Variants in AFAP1L1 observed in about 807,000 individuals in gnomAD.
The protein encoded by AFAP1L1 is actin filament associated protein 1 like 1, also known as actin filament-associated protein 1-like 1.
In AFAP1L1, 77 loss-of-function variants were observed where a neutral mutation model predicts 99.8. The ratio of observed to expected loss-of-function variants is 0.77; its 90% CI spans 0.64 to 0.93. The LOEUF is 0.93. AFAP1L1 is among the 40% of genes least tolerant of loss of function. The pLI is 0.00. For synonymous variants in AFAP1L1, 373 were observed against 395.3 expected, an observed-to-expected ratio of 0.94 and a Z score of 0.67; for missense variants, 893 against 996.8, an observed-to-expected ratio of 0.90 and a Z score of 1.40.
chr5:149,323,385 C>G (rs960074899), intron 15 of AFAP1L1, among the ~76,000 whole-genome samples: 5 of 152,202 alleles, frequency 3.3e-5, no homozygotes, highest in Non-Finnish European at 7.3e-5. Flanking sequence ...ACTAAGTACA[C>G]CAGGCAACTC....
intron 1 of AFAP1L1, among the ~76,000 whole-genome samples, chr5:149,291,801 G>A (rs896324519): frequency 6.6e-6 from 1 of 152,174 alleles, no homozygotes; most frequent in African/African-American, 2.4e-5. Flanking sequence ...TCCAGAACAG[G>A]AGCCTTTATG....
rs745394391 is a variant in AFAP1L1, at chr5:149,322,651, G to A, written c.1744G>A (p.Ala582Thr). Residue 582 changes from alanine (A) to threonine (T), a missense_variant, in exon 15 of 19, where the codon GCC (alanine) becomes ACC (threonine). Ala to Thr is a moderately conservative substitution (Grantham distance 58, BLOSUM62 0). Coordinates refer to ENST00000296721, the MANE Select transcript of AFAP1L1 (RefSeq NM_152406.4). ...RPTGAQVKRH[A>T]SSCSEKSHRV... is the part of the protein sequence containing the mutation. ...CACAGGGGCCCAGGTGAAGCGTCACGCCTCCTCCTGCAGTGAGAAGTCCCA... is the reference window on the plus strand; with the variant it reads ...CACAGGGGCCCAGGTGAAGCGTCACACCTCCTCCTGCAGTGAGAAGTCCCA... 8.8e-6 allele frequency: 14 copies of A among 1,593,052 alleles called. 1 individual carries two copies. Among genetic ancestry groups the A allele is most frequent in the South Asian group, 8.0e-5 (7 of 87,432 alleles).
intron 16 of AFAP1L1, among the ~76,000 whole-genome samples, chr5:149,330,565 A>G (rs1468316906): frequency 6.6e-6 from 1 of 152,208 alleles, no homozygotes; most frequent in Non-Finnish European, 1.5e-5. Flanking sequence ...TAGATTGCCT[A>G]AGACTCCATG....
chr5:149,306,483 A>G (rs554174125), intron 6 of AFAP1L1, 79 bp downstream of exon 6: 5 of 1,335,306 alleles, frequency 3.7e-6, no homozygotes, highest in South Asian at 1.4e-5. Flanking sequence ...GGCCCTTAGC[A>G]TGGGTGTGCC....
At chr5:149,289,295 C>A (rs1240980350) in intron 1 of AFAP1L1, among the ~76,000 whole-genome samples, 4 of 152,162 alleles carry the variant, frequency 2.6e-5, no homozygotes, top group Non-Finnish European at 5.9e-5. Flanking sequence ...TTGTACTATT[C>A]TCTTAAGCAT....
In AFAP1L1 at chr5:149,278,792, C is replaced by CTCTTGCTCTGTCTCTATCT. The variant is rs1416635753; in HGVS notation, c.16+6822_16+6840dup. Among the ~76,000 whole-genome samples the CTCTTGCTCTGTCTCTATCT allele has an allele frequency of 2.0e-5, 3 of 152,198 alleles. No individual in the cohort carries two copies. In the East Asian group the frequency reaches 5.8e-4, roughly 29 times the overall value. On this transcript the variant is annotated intron_variant, in intron 1 of 18. Transcript: ENST00000296721. ...TCTTCTCCCACTTGCTCTATCTTCC[C>CTCTTGCTCTGTCTCTATCT]TCTTGCTCTGTCTCTATCTTCTTGC...
intron 5 of AFAP1L1, among the ~76,000 whole-genome samples, chr5:149,303,795 A>G (rs1756309039): frequency 6.6e-6 from 1 of 152,124 alleles, no homozygotes; most frequent in South Asian, 2.1e-4. Context: ...AAGGGAACGT[A>G]TTTTTTTCAT....
At chr5:149,307,818 TTC>T (rs70973517) in intron 7 of AFAP1L1, among the ~76,000 whole-genome samples, 1,803 of 100,560 alleles carry the variant, frequency 0.018, 71 homozygotes, top group East Asian at 0.17. Flanking sequence ...GTGCCTCTCT[TTC>T]TCTCTCTCTC....
At position 149,342,938 on chromosome 5, in the gene AFAP1L1, T is replaced by C. The variant is rs1757598796; in HGVS notation, c.*2908T>C. Among the ~76,000 whole-genome samples the C allele has an allele frequency of 6.6e-6, 1 of 152,002 alleles. No individual in the cohort carries two copies. Among genetic ancestry groups the C allele is most frequent in the Admixed American group, 6.5e-5 (1 of 15,268 alleles). On this transcript the variant is annotated 3_prime_UTR_variant, in exon 19 of 19. Transcript: ENST00000296721. ...AAAAAAAAAATGCCTTATTTGGTTG[T>C]GTTTTTTCAAAGTGTAAGCCACAGG...
At chr5:149,316,381 A>T in intron 11 of AFAP1L1, 78 bp downstream of exon 11, 1 of 1,527,226 alleles carries the variant, frequency 6.5e-7, no homozygotes, top group South Asian at 1.2e-5. Flanking sequence ...AGGAGACCTC[A>T]TGCCTCGTCC....
Position 149,322,799 on chromosome 5 carries a change from C to T in AFAP1L1, c.1810+82C>T, listed in dbSNP as rs1019703352. ...ATAGGAGGGATCTCAAAATCAGTTTCCCTGGTGGGTAAATAAATGAGCAAA... is the reference window on the plus strand; with the variant it reads ...ATAGGAGGGATCTCAAAATCAGTTTTCCTGGTGGGTAAATAAATGAGCAAA... On this transcript the variant is annotated intron_variant, in intron 15 of 18. Transcript: ENST00000296721. The T allele has an allele frequency of 1.4e-5, 16 of 1,136,502 alleles. No individual in the cohort carries two copies. The African/African-American group carries it at 2.1e-4, about 15-fold the overall frequency. The allele number at this position is 1,136,502 out of a possible 1,614,324, so 70.4% of individuals were successfully genotyped here. A position where few individuals can be genotyped will look rare whatever the true frequency, so the allele number is the denominator to read the frequency against.
chr5:149,272,171 C>T (rs1755139569), intron 1 of AFAP1L1, among the ~76,000 whole-genome samples, 187 bp downstream of exon 1: 1 of 152,156 alleles, frequency 6.6e-6, no homozygotes. Flanking sequence ...CAACCCGGTG[C>T]GTGTCAACGC....
intron 9 of AFAP1L1, among the ~76,000 whole-genome samples, chr5:149,313,061 GGTT>G (rs1323050039): frequency 6.6e-6 from 1 of 151,864 alleles, no homozygotes; most frequent in Non-Finnish European, 1.5e-5. Context: ...GGGAGGCAGA[GGTT>G]GTGGTGAGCC....
At chr5:149,315,729 G>A in intron 9 of AFAP1L1, 92 bp from the exon 10 acceptor site, 1 of 991,160 alleles carries the variant, frequency 1.0e-6, no homozygotes, top group Non-Finnish European at 1.6e-6. Flanking sequence ...ATCATGTGCT[G>A]GGGGAGTTGG....
chr5:149,294,063 A>AT (rs1755946564), intron 1 of AFAP1L1, among the ~76,000 whole-genome samples: 1 of 152,140 alleles, frequency 6.6e-6, no homozygotes, highest in African/African-American at 2.4e-5. Context: ...AACTAATGAT[A>AT]TTTTTTTAAG....
intron 18 of AFAP1L1, among the ~76,000 whole-genome samples, chr5:149,338,324 T>C (rs1356731252): frequency 2.0e-5 from 3 of 151,974 alleles, no homozygotes; most frequent in Non-Finnish European, 4.4e-5. Context: ...TAGCCGGGTG[T>C]GGTGGCACAT....
chr5:149,298,653 T>A (rs1756090521), intron 1 of AFAP1L1, among the ~76,000 whole-genome samples: 1 of 152,176 alleles, frequency 6.6e-6, no homozygotes. Flanking sequence ...AATACTACTG[T>A]GATGAAGCTG....
At chr5:149,287,467 T>C (rs184684814) in intron 1 of AFAP1L1, among the ~76,000 whole-genome samples, 12 of 152,228 alleles carry the variant, frequency 7.9e-5, no homozygotes, top group Admixed American at 2.6e-4. Context: ...TTATCAAAAA[T>C]AACTACATAA....
chr5:149,295,326 G>T (rs1305581222), intron 1 of AFAP1L1, among the ~76,000 whole-genome samples: 2 of 152,206 alleles, frequency 1.3e-5, no homozygotes, highest in East Asian at 1.9e-4. Flanking sequence ...AACAAAAAAG[G>T]TATTACAAAG....
Sources: gnomAD v4.1 joint callset for allele counts (sites outside exome capture counted in the v4.1 genomes callset) on GRCh38, gnomAD v4.1.1 for gene constraint, MANE v1.5 for transcripts, NCBI Gene and HGNC (gene_info 2026-07-23, HGNC 2026-07-21) for gene names.